Variants in GSE1 observed in about 807,000 individuals in gnomAD.
GSE1 encodes the protein genetic suppressor element 1.
Under a neutral mutation model 112.6 loss-of-function variants are expected in GSE1, and 32 were observed. The ratio of observed to expected loss-of-function variants is 0.28; its 90% CI spans 0.21 to 0.38. The LOEUF (loss-of-function observed/expected upper bound fraction) is 0.38. GSE1 is among the 10% of genes least tolerant of loss of function. GSE1 has a pLI of 1.00. For missense variants in GSE1, 2,348 were observed against 1,699.2 expected (o/e 1.38, Z -6.71); for synonymous variants, 1,115 against 735.6 (o/e 1.52, Z -8.35).
At chr16:85,338,739 G>A (rs2046558629) in intron 1 of GSE1, among the ~76,000 whole-genome samples, 1 of 152,282 alleles carries the variant, frequency 6.6e-6, no homozygotes, top group South Asian at 2.1e-4. Context: ...TACTGTCATT[G>A]TGACCATTTT....
chr16:85,317,770 T>C (rs143970262), intron 1 of GSE1, among the ~76,000 whole-genome samples: 40 of 152,226 alleles, frequency 2.6e-4, no homozygotes, highest in African/African-American at 8.9e-4. Flanking sequence ...TGCCCACCAG[T>C]GTATCCAGCA....
At chr16:85,531,877 C>A (rs978600487) in intron 2 of GSE1, among the ~76,000 whole-genome samples, 6 of 152,138 alleles carry the variant, frequency 3.9e-5, no homozygotes, top group African/African-American at 1.4e-4. Flanking sequence ...AGACAAGAGA[C>A]TATTTTGGCT....
intron 1 of GSE1, among the ~76,000 whole-genome samples, chr16:85,270,838 C>T (rs569859555): frequency 1.3e-5 from 2 of 152,194 alleles, no homozygotes; most frequent in East Asian, 1.9e-4. Flanking sequence ...TGTCTGGCTC[C>T]TCCGGCAGCC....
intron 1 of GSE1, among the ~76,000 whole-genome samples, chr16:85,227,745 AGTCT>A (rs1208274141): frequency 6.6e-6 from 1 of 152,196 alleles, no homozygotes; most frequent in East Asian, 1.9e-4. Flanking sequence ...CACCCACCAT[AGTCT>A]GGCTCTGCGC....
chr16:85,433,552 G>C (rs2049170702), intron 2 of GSE1, among the ~76,000 whole-genome samples: 1 of 152,150 alleles, frequency 6.6e-6, no homozygotes. Context: ...CTGACCAGAT[G>C]AAGGCTGTGT....
intron 1 of GSE1, among the ~76,000 whole-genome samples, chr16:85,319,092 A>C (rs8049886): frequency 6.6e-6 from 1 of 152,014 alleles, no homozygotes; most frequent in Non-Finnish European, 1.5e-5. Context: ...GGGGCCCAGC[A>C]TGTCATAGGC....
At chr16:85,416,391 G>T (rs1053908261) in intron 2 of GSE1, among the ~76,000 whole-genome samples, 4 of 152,152 alleles carry the variant, frequency 2.6e-5, no homozygotes, top group Non-Finnish European at 5.9e-5. Context: ...GAGCCCCCAA[G>T]TGGGAGCAAG....
intron 1 of GSE1, among the ~76,000 whole-genome samples, chr16:85,314,661 C>T (rs1282472333): frequency 6.6e-6 from 1 of 152,222 alleles, no homozygotes; most frequent in Non-Finnish European, 1.5e-5. Context: ...GCAGGCTCCC[C>T]ATGCATGGCG....
At chr16:85,178,121 G>A (rs1480221847) in intron 1 of GSE1, among the ~76,000 whole-genome samples, 1 of 152,210 alleles carries the variant, frequency 6.6e-6, no homozygotes, top group African/African-American at 2.4e-5. Context: ...TGGTTGTGCA[G>A]TGCATTGAGT....
At chr16:85,416,653 T>TGCTA (rs1249845963) in intron 2 of GSE1, among the ~76,000 whole-genome samples, 1 of 152,194 alleles carries the variant, frequency 6.6e-6, no homozygotes, top group Non-Finnish European at 1.5e-5. Flanking sequence ...TGCTAAGAGT[T>TGCTA]GCTAAGCAGG....
rs569156370 is a variant in GSE1 at position 85,286,589 on chromosome 16, C to T, written c.2284-70874C>T. 3.3e-5 allele frequency among the ~76,000 whole-genome samples: 5 copies of T among 152,272 alleles called. No individual in the cohort carries two copies. The South Asian group carries it at 6.2e-4, about 19-fold the overall frequency. ...CTGTGAAAATAAATTAAGAGTGGGCCGGTCGGAGCTGCAACAGTCATCGTG... is the reference window on the plus strand; with the variant it reads ...CTGTGAAAATAAATTAAGAGTGGGCTGGTCGGAGCTGCAACAGTCATCGTG... On this transcript the variant is annotated intron_variant, in intron 1 of 2. Coordinates refer to the GSE1 transcript ENST00000637419.
intron 2 of GSE1, among the ~76,000 whole-genome samples, chr16:85,635,363 C>A (rs2049904350): frequency 6.6e-6 from 1 of 152,200 alleles, no homozygotes; most frequent in Non-Finnish European, 1.5e-5. Context: ...CCAGAAAACC[C>A]TCCACGCCCT....
chr16:85,175,138 A>G (rs1369380885), intron 1 of GSE1, among the ~76,000 whole-genome samples: 2 of 152,206 alleles, frequency 1.3e-5, no homozygotes, highest in Non-Finnish European at 2.9e-5. Flanking sequence ...AATAAAGAGA[A>G]GAAAGAAAGA....
chr16:85,320,196 G>T (rs2046072898), intron 1 of GSE1, among the ~76,000 whole-genome samples: 1 of 152,240 alleles, frequency 6.6e-6, no homozygotes, highest in Admixed American at 6.5e-5. Flanking sequence ...GGGAAGCAGA[G>T]TGGGCAGCCG....
chr16:85,218,987 C>T (rs1419814016), intron 1 of GSE1, among the ~76,000 whole-genome samples: 2 of 152,118 alleles, frequency 1.3e-5, no homozygotes, highest in Non-Finnish European at 2.9e-5. Flanking sequence ...TCACACCATT[C>T]TTCTGCCTCA....
chr16:85,263,948 T>A (rs8059840), intron 1 of GSE1, among the ~76,000 whole-genome samples: 24,770 of 151,892 alleles, frequency 0.16, 2,103 homozygotes, highest in South Asian at 0.23. Flanking sequence ...GTCGGCAGGG[T>A]GGACAGACAG....
chr16:85,317,942 T>C (rs1199471586), intron 1 of GSE1, among the ~76,000 whole-genome samples: 2 of 152,148 alleles, frequency 1.3e-5, no homozygotes, highest in Non-Finnish European at 2.9e-5. Flanking sequence ...CTCAGTTGGT[T>C]CTCAAAAGAA....
At chr16:85,307,747 G>C (rs954886031) in intron 1 of GSE1, among the ~76,000 whole-genome samples, 21 of 152,238 alleles carry the variant, frequency 1.4e-4, no homozygotes, top group Admixed American at 2.6e-4. Flanking sequence ...CTGATGCCCT[G>C]TGGTTCAAGG....
chr16:85,472,737 A>T (rs1208507551), intron 2 of GSE1, among the ~76,000 whole-genome samples: 2 of 152,180 alleles, frequency 1.3e-5, no homozygotes, highest in Non-Finnish European at 2.9e-5. Context: ...CCGGGAAATG[A>T]CTTTAAACGG....
Sources: gnomAD v4.1 joint callset for allele counts (sites outside exome capture counted in the v4.1 genomes callset) on GRCh38, gnomAD v4.1.1 for gene constraint, MANE v1.5 for transcripts, NCBI Gene and HGNC (gene_info 2026-07-23, HGNC 2026-07-21) for gene names.